The following TACC1 variants were observed in gnomAD, a reference collection of about 807,000 sequenced individuals.
The protein encoded by TACC1 is transforming acidic coiled-coil containing protein 1.
TACC1 carries 48 observed loss-of-function variants against 84.4 expected under a neutral mutation model. The ratio of observed to expected loss-of-function variants is 0.57; its 90% CI spans 0.45 to 0.72. The LOEUF is 0.72. Ranked by LOEUF, TACC1 falls within the 30% of genes least tolerant of loss-of-function variation. TACC1 has a pLI of 0.00. For synonymous variants in TACC1, 372 were observed against 376.3 expected, an observed-to-expected ratio of 0.99 and a Z score of 0.13; for missense variants, 920 against 973.0, an observed-to-expected ratio of 0.95 and a Z score of 0.72.
chr8:38,827,752 G>T, intron 5 of TACC1: 1 of 231,894 alleles, frequency 4.3e-6, no homozygotes, highest in Non-Finnish European at 8.7e-6. Flanking sequence ...TTGGTTCATG[G>T]TTCTGCAGAC....
Position 38,737,490 on chromosome 8 carries a change from G to A in TACC1, c.-674-4861G>A, listed in dbSNP as rs558763130. 7.9e-5 allele frequency among the ~76,000 whole-genome samples: 12 copies of A among 152,216 alleles called. No homozygotes were observed. The East Asian group carries it at 2.3e-3, about 29-fold the overall frequency. ...GAGAAAATCTTGCTGTGGAGGCCAG[G>A]CAGGGGAGCAGCAGTGCTTAGTGAG... On this transcript the variant is annotated intron_variant, in intron 1 of 14. Coordinates refer to the TACC1 transcript ENST00000518415.
At chr8:38,843,479 C>G in intron 11 of TACC1, 84 bp downstream of exon 11, 2 of 936,566 alleles carry the variant, frequency 2.1e-6, no homozygotes, top group South Asian at 1.9e-5. Flanking sequence ...TGTTTCGCAA[C>G]TCCAGGTTGT....
chr8:38,825,367 G>T lies in TACC1; in HGVS notation c.1451G>T (p.Arg484Leu), dbSNP rs1387860452. 2 of 1,614,098 alleles carry T rather than the reference G, an allele frequency of 1.2e-6. No homozygotes were observed. Among genetic ancestry groups the T allele is most frequent in the Non-Finnish European group, 1.7e-6 (2 of 1,179,988 alleles). The change falls in exon 4 of 13, where the codon CGG (arginine) becomes CTG (leucine). Residue 484 changes from arginine to leucine, a missense_variant and splice_region_variant. Physicochemically the swap from Arg to Leu is moderately radical, Grantham distance 102. Around this residue, in one of 2 missense-constraint regions of TACC1, gnomAD observed 762 missense variants for 747.3 expected, o/e 1.02. Transcript: ENST00000317827. The part of the protein sequence containing the change: ...TQSLALDACS[R>L]DEGAVISQIS... ...TCTCTCGCCCTGGATGCATGTTCTCGGGTGAGTCTGTGCCCATCTCCAGAA... is the reference window on the plus strand; with the variant it reads ...TCTCTCGCCCTGGATGCATGTTCTCTGGTGAGTCTGTGCCCATCTCCAGAA...
At chr8:38,778,591 G>A (rs1280403330) in intron 3 of TACC1, among the ~76,000 whole-genome samples, 1 of 152,158 alleles carries the variant, frequency 6.6e-6, no homozygotes, top group Non-Finnish European at 1.5e-5. Flanking sequence ...CCCCTCCCTT[G>A]CATGGGCCCC....
chr8:38,741,512 C>T (rs1489490439), intron 1 of TACC1, among the ~76,000 whole-genome samples: 17 of 152,148 alleles, frequency 1.1e-4, no homozygotes. Flanking sequence ...ATTCCAAAGG[C>T]TCACAAATTA....
intron 2 of TACC1, among the ~76,000 whole-genome samples, chr8:38,814,858 G>A (rs563467949): frequency 6.6e-6 from 1 of 152,274 alleles, no homozygotes; most frequent in Non-Finnish European, 1.5e-5. Flanking sequence ...ATTTAATATA[G>A]GCTAATTAGT....
In TACC1 at chr8:38,820,131, G is replaced by A. The variant is rs374402621; in HGVS notation, c.887G>A (p.Gly296Asp). ...CCCCCTGACCTTAAAGAAACTCCCGGCACTCTCAGTAGTGACACCAACGAC... is the reference window on the plus strand; with the variant it reads ...CCCCCTGACCTTAAAGAAACTCCCGACACTCTCAGTAGTGACACCAACGAC... ...KSPPDLKETPGTLSSDTNDSG... is the reference protein window; with the variant it reads ...KSPPDLKETPDTLSSDTNDSG... Residue 296 changes from glycine to aspartate, a missense_variant, in exon 3 of 13, where the codon GGC becomes GAC. Gly to Asp is a moderately conservative substitution (Grantham distance 94). Around this residue, in one of 2 missense-constraint regions of TACC1, gnomAD observed 762 missense variants for 747.3 expected, o/e 1.02. Transcript: ENST00000317827. The A allele has an allele frequency of 8.1e-6, 13 of 1,613,994 alleles. No individual in the cohort carries two copies. Among genetic ancestry groups the A allele is most frequent in the South Asian group, 3.3e-5 (3 of 91,088 alleles).
chr8:38,844,741 G>C (rs1005368321), intron 11 of TACC1: 1 of 152,070 alleles, frequency 6.6e-6, no homozygotes, highest in African/African-American at 2.4e-5. Context: ...TTACTTTTAT[G>C]TGCTGAAATG....
chr8:38,757,502 G>A, intron 3 of TACC1: 1 of 1,085,472 alleles, frequency 9.2e-7, no homozygotes, highest in South Asian at 2.0e-5. Context: ...GAAAGGCTGG[G>A]AAGGTGGGGT....
intron 5 of TACC1, 173 bp downstream of exon 5, chr8:38,827,548 A>AATAAGCACT: frequency 1.5e-6 from 1 of 650,528 alleles, no homozygotes; most frequent in Non-Finnish European, 2.6e-6. Flanking sequence ...CAAAGTGCTT[A>AATAAGCACT]TTGAAGTACT....
At chr8:38,776,994 G>T (rs144152072) in intron 3 of TACC1, among the ~76,000 whole-genome samples, 3 of 152,254 alleles carry the variant, frequency 2.0e-5, no homozygotes, top group Admixed American at 1.3e-4. Context: ...GGTGGCTCAC[G>T]CCTGTAATTC....
intron 1 of TACC1, among the ~76,000 whole-genome samples, chr8:38,739,525 C>T (rs1233249764): frequency 3.3e-5 from 5 of 152,218 alleles, no homozygotes. Flanking sequence ...CAGTTTTTCC[C>T]TACACCATTT....
At chr8:38,784,098 T>G (rs776201034), upstream of TACC1, among the ~76,000 whole-genome samples, 14 of 152,176 alleles carry the variant, frequency 9.2e-5, no homozygotes, top group Non-Finnish European at 2.1e-4. Flanking sequence ...GGCTAGAGTG[T>G]TCCTAGTTGT....
rs1343213537 is a variant in TACC1, at chr8:38,787,588, G to T, written c.6G>T (p.Ala2=). The part of the protein sequence containing the change: M[A]FSPWQILSPV... ...GAGCCGGAGGAGCCGCGCTCATGGCGTTCAGCCCGTGGCAGATCCTGTCCC... is the reference window on the plus strand; with the variant it reads ...GAGCCGGAGGAGCCGCGCTCATGGCTTTCAGCCCGTGGCAGATCCTGTCCC... The change falls in exon 1 of 13, where the codon GCG becomes GCT. Residue 2 remains alanine, a synonymous_variant. Transcript: ENST00000317827. The T allele has an allele frequency of 1.3e-6, 2 of 1,540,700 alleles. No homozygotes were observed. The highest frequency in any genetic ancestry group is 2.8e-5 in the African/African-American group (2 of 71,848).
intron 3 of TACC1, among the ~76,000 whole-genome samples, chr8:38,771,870 G>A (rs2151893008): frequency 6.6e-6 from 1 of 152,254 alleles, no homozygotes; most frequent in South Asian, 2.1e-4. Flanking sequence ...CTCCCAAGTA[G>A]TGAGGACTAC....
chr8:38,788,507 A>T, intron 1 of TACC1, 197 bp from the exon 2 acceptor site: 1 of 494,524 alleles, frequency 2.0e-6, no homozygotes, highest in Admixed American at 3.7e-5. Context: ...GAGAGACAGG[A>T]TGCCAGCCTG....
At position 38,846,728 on chromosome 8, in the gene TACC1, C is replaced by T. The variant is rs758343969; in HGVS notation, c.2258C>T (p.Thr753Ile). ...KANEEIAQVR[T>I]KAKAESAALH... ...AATGAAGAGATTGCTCAGGTTCGAA[C>T]AAAAGCAAAGGCTGAGAGTGCAGCT... The change falls in exon 12 of 13, where the codon ACA (threonine) becomes ATA (isoleucine). Residue 753 changes from threonine (T) to isoleucine (I), a missense_variant. Thr to Ile is a moderately conservative substitution (Grantham distance 89). Coordinates refer to ENST00000317827, the MANE Select transcript of TACC1 (RefSeq NM_006283.3). 1.1e-5 allele frequency: 17 copies of T among 1,614,082 alleles called. No individual in the cohort carries two copies. The South Asian group carries it at 1.9e-4, about 18-fold the overall frequency.
At chr8:38,775,962 T>C (rs190225827) in intron 3 of TACC1, among the ~76,000 whole-genome samples, 3 of 152,164 alleles carry the variant, frequency 2.0e-5, no homozygotes, top group Admixed American at 1.3e-4. Flanking sequence ...AAATATTTTG[T>C]GTGTGTGCTA....
chr8:38,802,808 T>TA (rs1821712606), intron 2 of TACC1, among the ~76,000 whole-genome samples: 1 of 152,118 alleles, frequency 6.6e-6, no homozygotes, highest in South Asian at 2.1e-4. Flanking sequence ...GGCTCTTTAA[T>TA]AATCAGATCT....
Sources: allele counts gnomAD v4.1 joint callset (sites outside exome capture counted in the v4.1 genomes callset), GRCh38; gene constraint gnomAD v4.1.1; regional missense constraint gnomAD v4.1.1; transcripts MANE v1.5; gene names NCBI Gene and HGNC (gene_info 2026-07-23, HGNC 2026-07-21).